Variants in ESR1 observed in about 807,000 individuals in gnomAD.
ESR1 encodes the protein estrogen receptor.
Under a neutral mutation model 52.7 loss-of-function variants are expected in ESR1, and 12 were observed. The observed-to-expected ratio is 0.23, with a 90% confidence interval of 0.15 to 0.37. The LOEUF (loss-of-function observed/expected upper bound fraction) is 0.37. ESR1 is among the 10% of genes least tolerant of loss of function. The probability of loss-of-function intolerance (pLI) is 1.00; values close to 1 mark genes in which losing one functional copy is unlikely to be tolerated. For synonymous variants in ESR1, 305 were observed against 316.8 expected, an observed-to-expected ratio of 0.96 and a Z score of 0.39; for missense variants, 584 against 779.7, an observed-to-expected ratio of 0.75 and a Z score of 2.99.
At position 151,842,676 on chromosome 6, in the gene ESR1, T is replaced by A. The variant is rs2128234434; in HGVS notation, c.532T>A (p.Ser178Thr). The A allele has an allele frequency of 6.2e-7, 1 of 1,613,920 alleles. No homozygotes were observed. Among genetic ancestry groups the A allele is most frequent in the South Asian group, 1.1e-5 (1 of 91,080 alleles). The change falls in exon 2 of 8, where the codon TCT (serine) becomes ACT (threonine). Residue 178 changes from serine to threonine, a missense_variant. Physicochemically the swap from Ser to Thr is moderately conservative, Grantham distance 58. Coordinates refer to ENST00000206249, the MANE Select transcript of ESR1 (RefSeq NM_000125.4). ...TNDKGSMAME[S>T]AKETRYCAVC... Reference sequence around the variant, plus strand: ...TGACAAGGGAAGTATGGCTATGGAATCTGCCAAGGAGACTCGCTACTGTGC... The same window carrying A: ...TGACAAGGGAAGTATGGCTATGGAAACTGCCAAGGAGACTCGCTACTGTGC...
intron 6 of ESR1, among the ~76,000 whole-genome samples, chr6:152,114,770 A>G (rs1585278689): frequency 6.7e-6 from 1 of 150,352 alleles, no homozygotes; most frequent in Non-Finnish European, 1.5e-5. Flanking sequence ...GGGCGCCTGT[A>G]GTCCCAGCTA....
intron 2 of ESR1, among the ~76,000 whole-genome samples, chr6:151,844,258 T>C (rs917316280): frequency 6.6e-6 from 1 of 152,150 alleles, no homozygotes; most frequent in Non-Finnish European, 1.5e-5. Context: ...TTTAGGTTAG[T>C]ATAAGCCCTT....
intron 2 of ESR1, among the ~76,000 whole-genome samples, chr6:151,856,617 C>A (rs1787890282): frequency 6.6e-6 from 1 of 152,132 alleles, no homozygotes; most frequent in Non-Finnish European, 1.5e-5. Flanking sequence ...GTTCCTCTCG[C>A]CTTCTTTCTC....
chr6:151,710,118 A>G (rs1159961797), intron 2 of ESR1, among the ~76,000 whole-genome samples: 1 of 151,818 alleles, frequency 6.6e-6, no homozygotes, highest in African/African-American at 2.4e-5. Context: ...CAATTTAAAG[A>G]TTTTTTTTCT....
At chr6:152,021,691 C>T (rs1422712884) in intron 5 of ESR1, among the ~76,000 whole-genome samples, 2 of 152,132 alleles carry the variant, frequency 1.3e-5, no homozygotes, top group African/African-American at 4.8e-5. Flanking sequence ...TGGCTGTGTC[C>T]TCACCCAAAT....
At chr6:151,999,461 C>T (rs1335422136) in intron 4 of ESR1, among the ~76,000 whole-genome samples, 1 of 152,044 alleles carries the variant, frequency 6.6e-6, no homozygotes, top group African/African-American at 2.4e-5. Flanking sequence ...TGTACTGAAA[C>T]CTTTTTAAAA....
Position 152,099,533 on chromosome 6 carries a change from G to A in ESR1, c.*567G>A, listed in dbSNP as rs1463443929. The A allele has an allele frequency of 1.6e-5, 4 of 244,356 alleles. No individual in the cohort carries two copies. The highest frequency in any genetic ancestry group is 3.2e-5 in the Non-Finnish European group (4 of 124,202). 15.1% of individuals were successfully genotyped at this position (244,356 alleles called of 1,614,324 possible). ...ATATGACTGTAGCAGAGTATCTGGTGATTGTCAATTCATTCCCCCTATAGG... is the reference window on the plus strand; with the variant it reads ...ATATGACTGTAGCAGAGTATCTGGTAATTGTCAATTCATTCCCCCTATAGG... On this transcript the variant is annotated 3_prime_UTR_variant, in exon 8 of 8. Transcript: ENST00000206249.
At chr6:151,682,077 C>T (rs1040745104) in intron 1 of ESR1, among the ~76,000 whole-genome samples, 1 of 152,214 alleles carries the variant, frequency 6.6e-6, no homozygotes, top group Non-Finnish European at 1.5e-5. Context: ...AACTGTTTAT[C>T]GGATGCTTTA....
chr6:151,993,932 T>G (rs2041253287), intron 4 of ESR1, among the ~76,000 whole-genome samples: 1 of 152,170 alleles, frequency 6.6e-6, no homozygotes, highest in African/African-American at 2.4e-5. Flanking sequence ...CTCTCTCTAT[T>G]TTTTTAAACT....
At chr6:151,789,090 C>A (rs1258125559) in intron 2 of ESR1, among the ~76,000 whole-genome samples, 1 of 152,080 alleles carries the variant, frequency 6.6e-6, no homozygotes, top group South Asian at 2.1e-4. Context: ...TGCACGTGTA[C>A]CCCTGAACTT....
intron 2 of ESR1, among the ~76,000 whole-genome samples, chr6:151,867,599 A>T (rs1790176096): frequency 6.6e-6 from 1 of 152,220 alleles, no homozygotes. Context: ...CCACAATGAC[A>T]TACTATCTCA....
intron 2 of ESR1, among the ~76,000 whole-genome samples, chr6:151,852,082 A>G (rs1786854085): frequency 6.6e-6 from 1 of 152,218 alleles, no homozygotes; most frequent in Non-Finnish European, 1.5e-5. Context: ...AAAGAGGTTC[A>G]GACATAGACT....
intron 4 of ESR1, among the ~76,000 whole-genome samples, chr6:151,991,879 C>T (rs143041644): frequency 2.1e-3 from 325 of 152,216 alleles, no homozygotes; most frequent in African/African-American, 7.5e-3. Flanking sequence ...TCCTCTTCCT[C>T]ATCTTATCGG....
intron 3 of ESR1, among the ~76,000 whole-genome samples, chr6:151,940,255 T>G (rs541505839): frequency 1.3e-5 from 2 of 152,302 alleles, no homozygotes; most frequent in Admixed American, 1.3e-4. Flanking sequence ...CCCCCATGAT[T>G]CAGTTACCTC....
chr6:151,766,581 T>C (rs1785073755), intron 2 of ESR1, among the ~76,000 whole-genome samples: 1 of 152,208 alleles, frequency 6.6e-6, no homozygotes, highest in South Asian at 2.1e-4. Flanking sequence ...AAGATTCTAT[T>C]TGAATTTTAA....
chr6:151,731,158 A>G (rs1782206998), intron 2 of ESR1, among the ~76,000 whole-genome samples: 2 of 152,112 alleles, frequency 1.3e-5, no homozygotes, highest in Non-Finnish European at 2.9e-5. Flanking sequence ...GTTTGAGACC[A>G]GCTTGTCCAA....
At chr6:151,670,976 C>G (rs1458063051) in intron 1 of ESR1, among the ~76,000 whole-genome samples, 1 of 151,988 alleles carries the variant, frequency 6.6e-6, no homozygotes, top group East Asian at 1.9e-4. Context: ...CCGTGTTGAC[C>G]AGGCTGGTCT....
chr6:151,687,943 C>T (rs967248261), upstream of ESR1, among the ~76,000 whole-genome samples: 12 of 152,082 alleles, frequency 7.9e-5, no homozygotes, highest in African/African-American at 2.2e-4. Context: ...ATTATACTTA[C>T]GAGATTAAAT....
At chr6:152,041,424 C>T (rs1230296936) in intron 5 of ESR1, among the ~76,000 whole-genome samples, 2 of 152,164 alleles carry the variant, frequency 1.3e-5, no homozygotes, top group Non-Finnish European at 2.9e-5. Context: ...TCCAAATAGG[C>T]CTGCTAGGCA....
Sources: gnomAD v4.1 joint callset for allele counts (sites outside exome capture counted in the v4.1 genomes callset) on GRCh38, gnomAD v4.1.1 for gene constraint, MANE v1.5 for transcripts, NCBI Gene and HGNC (gene_info 2026-07-23, HGNC 2026-07-21) for gene names.